Variants in TTC3 observed in about 807,000 individuals in gnomAD.
TTC3 encodes tetratricopeptide repeat domain 3.
TTC3 carries 180 observed loss-of-function variants against 249.6 expected under a neutral mutation model. The ratio of observed to expected loss-of-function variants is 0.72; its 90% CI spans 0.64 to 0.82. The LOEUF (loss-of-function observed/expected upper bound fraction) is 0.82. Among genes scored for constraint, TTC3 ranks in the 40% least tolerant of loss-of-function variants. The probability of loss-of-function intolerance (pLI) is 0.00; values close to 1 mark genes in which losing one functional copy is unlikely to be tolerated. For missense variants in TTC3, 2,061 were observed against 2,398.4 expected, an observed-to-expected ratio of 0.86 and a Z score of 2.94; for synonymous variants, 717 against 805.0, an observed-to-expected ratio of 0.89 and a Z score of 1.85.
intron 11 of TTC3, among the ~76,000 whole-genome samples, chr21:37,119,630 T>C (rs2076427290): frequency 6.6e-6 from 1 of 152,180 alleles, no homozygotes; most frequent in South Asian, 2.1e-4. Context: ...AGGTTTTCTC[T>C]TCCCATGCTC....
At chr21:37,121,665 T>A (rs1568975772) in intron 11 of TTC3, 152 bp from the exon 12 acceptor site, 1 of 644,298 alleles carries the variant, frequency 1.6e-6, no homozygotes, top group East Asian at 3.0e-5. Flanking sequence ...TTTCCTGAGG[T>A]ATTAACATTT....
chr21:37,192,228 T>A lies in TTC3; in HGVS notation c.5217+15T>A. 4 of 1,469,302 alleles carry A rather than the reference T, an allele frequency of 2.7e-6. No homozygotes were observed. The highest frequency in any genetic ancestry group is 3.7e-6 in the Non-Finnish European group (4 of 1,083,744). The allele number at this position is 1,469,302 out of a possible 1,614,324, so 91.0% of individuals were successfully genotyped here. Reference sequence around the variant, plus strand: ...CCTGTAACACGGTAAGTCTAGCACATCTTTTTTTTTTTTTTAAACCATAAT... The same window carrying A: ...CCTGTAACACGGTAAGTCTAGCACAACTTTTTTTTTTTTTTAAACCATAAT... On this transcript the variant is annotated intron_variant, in intron 41 of 45. Coordinates refer to ENST00000355666, the Ensembl canonical transcript of TTC3.
intron 18 of TTC3, among the ~76,000 whole-genome samples, chr21:37,137,871 A>AG (rs1380083465): frequency 1.3e-5 from 2 of 152,134 alleles, no homozygotes; most frequent in Non-Finnish European, 2.9e-5. Context: ...AGCAGTCATC[A>AG]ATATCAAGGC....
At position 37,128,867 on chromosome 21, in the gene TTC3, C is replaced by A. The variant is rs1601641832; in HGVS notation, c.1298-136C>A. On this transcript the variant is annotated intron_variant, in intron 15 of 45. Transcript: ENST00000355666. ...TCAGTAGCTTCTTTTTTGGCTTACC[C>A]TTTTGTAGTTACACCCACGTACCAC... The A allele has an allele frequency of 1.1e-5, 5 of 459,158 alleles. No homozygotes were observed. In the East Asian group the frequency reaches 1.8e-4, roughly 17 times the overall value. 28.4% of individuals were successfully genotyped at this position (459,158 alleles called of 1,614,324 possible). A position where few individuals can be genotyped will look rare whatever the true frequency, so the allele number is the denominator to read the frequency against.
chr21:37,120,500 G>A (rs2076495664), intron 11 of TTC3, among the ~76,000 whole-genome samples: 1 of 152,152 alleles, frequency 6.6e-6, no homozygotes, highest in African/African-American at 2.4e-5. Flanking sequence ...TTTTAATGCA[G>A]TTATTTAAAC....
chr21:37,087,062 T>A, intron 1 of TTC3, 185 bp from the exon 2 acceptor site: 1 of 612,480 alleles, frequency 1.6e-6, no homozygotes. Context: ...TTAAATTATC[T>A]GGAGAGAGAG....
At chr21:37,099,852 T>G (rs955485298) in intron 10 of TTC3, among the ~76,000 whole-genome samples, 6 of 152,170 alleles carry the variant, frequency 3.9e-5, no homozygotes, top group Non-Finnish European at 7.3e-5. Context: ...TAGCATTGTT[T>G]GTAAGAGTAA....
intron 35 of TTC3, among the ~76,000 whole-genome samples, chr21:37,173,147 C>T (rs2081954339): frequency 6.6e-6 from 1 of 152,128 alleles, no homozygotes; most frequent in South Asian, 2.1e-4. Flanking sequence ...TATACTAGTT[C>T]TAATCTTGGG....
At chr21:37,162,959 T>G (rs2080905914) in intron 31 of TTC3, among the ~76,000 whole-genome samples, 1 of 152,166 alleles carries the variant, frequency 6.6e-6, no homozygotes, top group African/African-American at 2.4e-5. Context: ...GGGCAATAAG[T>G]CCATTCATGG....
At chr21:37,203,080 C>T (rs1176304196) in exon 46 of TTC3, 2 of 152,220 alleles carry the variant, frequency 1.3e-5, no homozygotes, top group African/African-American at 4.8e-5. Flanking sequence ...CAACAACTGT[C>T]AGAATAAAGA....
At chr21:37,154,034 C>T (rs1267824962) in intron 27 of TTC3, among the ~76,000 whole-genome samples, 2 of 152,328 alleles carry the variant, frequency 1.3e-5, no homozygotes, top group South Asian at 2.1e-4. Context: ...GGCGCTTTGC[C>T]TAAAGCCATG....
chr21:37,133,963 A>G (rs2147929551), intron 17 of TTC3, among the ~76,000 whole-genome samples: 1 of 152,324 alleles, frequency 6.6e-6, no homozygotes, highest in East Asian at 1.9e-4. Context: ...AAGAATGAGA[A>G]CAAGATTAAA....
chr21:37,104,086 A>G (rs2074805982), intron 10 of TTC3, among the ~76,000 whole-genome samples: 1 of 152,222 alleles, frequency 6.6e-6, no homozygotes, highest in Admixed American at 6.5e-5. Context: ...ATGGAAAAGT[A>G]GAAGGATTCA....
intron 10 of TTC3, among the ~76,000 whole-genome samples, chr21:37,103,883 T>G (rs1388416462): frequency 6.6e-6 from 1 of 152,154 alleles, no homozygotes; most frequent in South Asian, 2.1e-4. Context: ...GTGTTAAGGC[T>G]TTTGGCCTTT....
chr21:37,138,732 G>T lies in TTC3; in HGVS notation c.1659+18G>T. 6.5e-7 allele frequency: 1 copy of T among 1,545,238 alleles called. No individual in the cohort carries two copies. The highest frequency in any genetic ancestry group is 1.4e-5 in the African/African-American group (1 of 73,252). On this transcript the variant is annotated intron_variant, in intron 19 of 45. Transcript: ENST00000355666. ...AGCCTGAGGTAAGATTTGTAACAGTGGTAATAAACAATTAAAATGATATTG... is the reference window on the plus strand; with the variant it reads ...AGCCTGAGGTAAGATTTGTAACAGTTGTAATAAACAATTAAAATGATATTG...
chr21:37,080,894 G>A (rs898542514), intron 1 of TTC3, among the ~76,000 whole-genome samples: 7 of 151,642 alleles, frequency 4.6e-5, no homozygotes, highest in African/African-American at 1.5e-4. Context: ...GACAACTTCT[G>A]TCTTTTAATT....
exon 35 of TTC3, chr21:37,172,672 G>T (rs575481447): frequency 6.2e-7 from 1 of 1,614,032 alleles, no homozygotes; most frequent in African/African-American, 1.3e-5. Context: ...ATTATGAGCA[G>T]ATAAAACTTA....
At chr21:37,147,374 A>G in intron 21 of TTC3, 107 bp from the exon 22 acceptor site, 1 of 1,108,098 alleles carries the variant, frequency 9.0e-7, no homozygotes, top group Non-Finnish European at 1.2e-6. Context: ...AAATTTAGTC[A>G]TTCTTATGCT....
chr21:37,155,700 G>T (rs954195012), intron 27 of TTC3, among the ~76,000 whole-genome samples: 6 of 152,164 alleles, frequency 3.9e-5, no homozygotes, highest in Admixed American at 2.6e-4. Context: ...TTTGCTGGCT[G>T]TTCATCAGGA....
Sources: gnomAD v4.1 joint callset for allele counts (sites outside exome capture counted in the v4.1 genomes callset) on GRCh38, gnomAD v4.1.1 for gene constraint, MANE v1.5 for transcripts, NCBI Gene and HGNC (gene_info 2026-07-23, HGNC 2026-07-21) for gene names.